The following NTAQ1 variants were observed in gnomAD, a reference collection of about 807,000 sequenced individuals.
NTAQ1 encodes protein N-terminal glutamine amidohydrolase.
Under a neutral mutation model 28.2 loss-of-function variants are expected in NTAQ1, and 21 were observed. The ratio of observed to expected loss-of-function variants is 0.74; its 90% CI spans 0.53 to 1.07. NTAQ1 has a LOEUF of 1.07. Ranked by LOEUF, NTAQ1 falls within the 50% of genes least tolerant of loss-of-function variation. NTAQ1 has a pLI of 0.00. For missense variants in NTAQ1, 264 were observed against 256.6 expected (o/e 1.03, Z -0.20); for synonymous variants, 105 against 90.0 (o/e 1.17, Z -0.94).
At chr8:123,432,660 AT>A (rs1305810331) in intron 3 of NTAQ1, among the ~76,000 whole-genome samples, 2 of 141,276 alleles carry the variant, frequency 1.4e-5, no homozygotes, top group Non-Finnish European at 3.0e-5. Flanking sequence ...TCCTATAATA[AT>A]TTCTTTTTTT....
At chr8:123,444,019 G>T (rs1815176425), downstream of NTAQ1, among the ~76,000 whole-genome samples, 1 of 150,302 alleles carries the variant, frequency 6.7e-6, no homozygotes, top group Admixed American at 6.6e-5. Flanking sequence ...TGTTATTTAT[G>T]TCTCTCTGTG....
intron 6 of NTAQ1, among the ~76,000 whole-genome samples, chr8:123,460,361 A>G (rs1418488420): frequency 6.6e-6 from 1 of 152,228 alleles, no homozygotes; most frequent in Non-Finnish European, 1.5e-5. Context: ...CACAGTTAAT[A>G]TGTAAAGGAA....
downstream of NTAQ1, among the ~76,000 whole-genome samples, chr8:123,449,523 A>G (rs1374639865): frequency 2.0e-5 from 3 of 152,064 alleles, no homozygotes; most frequent in Non-Finnish European, 2.9e-5. Flanking sequence ...CAAGACCTCT[A>G]CTGTTGCTGT....
chr8:123,444,857 C>T (rs957337440), downstream of NTAQ1, among the ~76,000 whole-genome samples: 1 of 152,128 alleles, frequency 6.6e-6, no homozygotes, highest in Non-Finnish European at 1.5e-5. Flanking sequence ...AACAGAGTAT[C>T]TCTGAGAACC....
rs1815070374 is a variant in NTAQ1, at chr8:123,441,533, AT to A, written c.*121del. 2 of 808,516 alleles carry A rather than the reference AT, an allele frequency of 2.5e-6. No homozygotes were observed. Among genetic ancestry groups the A allele is most frequent in the Non-Finnish European group, 4.0e-6 (2 of 500,014 alleles). 50.1% of individuals were successfully genotyped at this position (808,516 alleles called of 1,614,324 possible). ...CTTGGAATTATGTCTTTCTCTTTTA[AT>A]TTGATTGAGTGGAAATCTGAGTGAA... On this transcript the variant is annotated 3_prime_UTR_variant, in exon 6 of 6. Transcript: ENST00000287387.
chr8:123,429,872 T>G (rs1003618167), intron 2 of NTAQ1, 111 bp from the exon 3 acceptor site: 31 of 624,978 alleles, frequency 5.0e-5, no homozygotes, highest in Non-Finnish European at 6.5e-5. Flanking sequence ...AGAGCAGGAC[T>G]CTGTCTCAAA....
Position 123,441,586 on chromosome 8 carries a change from A to T in NTAQ1, c.*171A>T. The T allele has an allele frequency of 1.5e-6, 1 of 649,078 alleles. No homozygotes were observed. Among genetic ancestry groups the T allele is most frequent in the Non-Finnish European group, 2.7e-6 (1 of 376,598 alleles). 40.2% of individuals were successfully genotyped at this position (649,078 alleles called of 1,614,324 possible). A position where few individuals can be genotyped will look rare whatever the true frequency, so the allele number is the denominator to read the frequency against. On this transcript the variant is annotated 3_prime_UTR_variant, in exon 6 of 6. Transcript: ENST00000287387. ...ACAAATATAAATGAACAACATAAAA[A>T]CTTTTGTTTTGACATGTCAAATTGA...
At chr8:123,474,746 A>T (rs975135376), downstream of NTAQ1, among the ~76,000 whole-genome samples, 1 of 151,966 alleles carries the variant, frequency 6.6e-6, no homozygotes, top group Admixed American at 6.6e-5. Flanking sequence ...CTCTACCAAA[A>T]AGTGGTGGTG....
intron 6 of NTAQ1, among the ~76,000 whole-genome samples, chr8:123,455,814 G>A (rs931461107): frequency 3.3e-5 from 5 of 152,224 alleles, no homozygotes; most frequent in Non-Finnish European, 5.9e-5. Flanking sequence ...CATGAAATAT[G>A]GATTTAGGTA....
rs898181514 is a variant in NTAQ1 at position 123,441,792 on chromosome 8, A to G, written c.*377A>G. On this transcript the variant is annotated 3_prime_UTR_variant, in exon 6 of 6. Transcript: ENST00000287387. ...TTGTAAGTTCCTTGAGGGCAGGGCCATGGCCCATTGCTCTGTGAATCTCAA... is the reference window on the plus strand; with the variant it reads ...TTGTAAGTTCCTTGAGGGCAGGGCCGTGGCCCATTGCTCTGTGAATCTCAA... The G allele has an allele frequency of 2.4e-4, 48 of 197,182 alleles. No homozygotes were observed. The highest frequency in any genetic ancestry group is 7.4e-5 in the Non-Finnish European group (7 of 94,726). 12.2% of individuals were successfully genotyped at this position (197,182 alleles called of 1,614,324 possible).
downstream of NTAQ1, among the ~76,000 whole-genome samples, chr8:123,443,212 G>C (rs1205560491): frequency 6.6e-6 from 1 of 151,224 alleles, no homozygotes; most frequent in Non-Finnish European, 1.5e-5. Context: ...TAGAGACGGG[G>C]TTTTGCCATG....
At chr8:123,461,238 C>T (rs1278733603) in intron 6 of NTAQ1, among the ~76,000 whole-genome samples, 1 of 152,138 alleles carries the variant, frequency 6.6e-6, no homozygotes. Context: ...GCACCATCTC[C>T]CAGGGTCCCC....
At chr8:123,466,754 G>T (rs1815969148) in intron 6 of NTAQ1, among the ~76,000 whole-genome samples, 1 of 152,118 alleles carries the variant, frequency 6.6e-6, no homozygotes, top group Non-Finnish European at 1.5e-5. Flanking sequence ...GGGATTGCTG[G>T]TCATATAATT....
intron 5 of NTAQ1, among the ~76,000 whole-genome samples, chr8:123,437,731 A>C (rs1814813525): frequency 6.6e-6 from 1 of 151,616 alleles, no homozygotes; most frequent in Non-Finnish European, 1.5e-5. Context: ...AAAACAAAAA[A>C]CAAAAAATTC....
intron 1 of NTAQ1, among the ~76,000 whole-genome samples, chr8:123,427,560 G>A (rs1384172708): frequency 6.6e-6 from 1 of 152,132 alleles, no homozygotes; most frequent in Non-Finnish European, 1.5e-5. Context: ...GAGCCACCAC[G>A]CCTGGCCTTT....
chr8:123,455,421 ATTT>A (rs925294146), intron 6 of NTAQ1, among the ~76,000 whole-genome samples: 16 of 115,440 alleles, frequency 1.4e-4, no homozygotes, highest in East Asian at 2.5e-4. Context: ...ATGCCCAGAA[ATTT>A]TTTTTTTTTT....
intron 6 of NTAQ1, among the ~76,000 whole-genome samples, chr8:123,460,007 T>C (rs1486950803): frequency 6.6e-6 from 1 of 151,970 alleles, no homozygotes; most frequent in African/African-American, 2.4e-5. Context: ...TCCATGTTGA[T>C]CAGTCTGGTC....
chr8:123,471,219 C>T (rs539105168), downstream of NTAQ1, among the ~76,000 whole-genome samples: 7 of 152,116 alleles, frequency 4.6e-5, no homozygotes, highest in Non-Finnish European at 1.0e-4. Flanking sequence ...GTGTGAGCCA[C>T]CATGCCTTGC....
At chr8:123,455,579 C>T (rs1815625925) in intron 6 of NTAQ1, among the ~76,000 whole-genome samples, 1 of 151,928 alleles carries the variant, frequency 6.6e-6, no homozygotes, top group Non-Finnish European at 1.5e-5. Context: ...CGTGTGCCAC[C>T]ACGCCTGGCT....
Sources: gnomAD v4.1 joint callset for allele counts (sites outside exome capture counted in the v4.1 genomes callset) on GRCh38, gnomAD v4.1.1 for gene constraint, MANE v1.5 for transcripts, NCBI Gene and HGNC (gene_info 2026-07-23, HGNC 2026-07-21) for gene names.